PAPPA2: variants seen among roughly 807,000 people sequenced by gnomAD.
PAPPA2 encodes the protein pappalysin 2, also known as pappalysin-2.
In PAPPA2, 86 loss-of-function variants were observed where a neutral mutation model predicts 176.4. The ratio of observed to expected loss-of-function variants is 0.49; its 90% CI spans 0.41 to 0.58. The LOEUF is 0.58. PAPPA2 is among the 20% of genes least tolerant of loss of function. The pLI is 0.00. For synonymous variants in PAPPA2, 809 were observed against 852.2 expected (o/e 0.95, Z 0.88); for missense variants, 2,073 against 2,256.9 (o/e 0.92, Z 1.65).
At chr1:176,679,959 T>C (rs1300019791) in intron 4 of PAPPA2, among the ~76,000 whole-genome samples, 1 of 152,214 alleles carries the variant, frequency 6.6e-6, no homozygotes, top group African/African-American at 2.4e-5. Context: ...TAGATTTGTG[T>C]GGATTTTCTC....
At chr1:176,527,594 A>G (rs1162689108) in intron 1 of PAPPA2, among the ~76,000 whole-genome samples, 4 of 152,176 alleles carry the variant, frequency 2.6e-5, no homozygotes, top group African/African-American at 9.7e-5. Context: ...AATATCTCAG[A>G]AGAATAAAAG....
At chr1:176,632,024 GTGT>G (rs1250779368) in intron 3 of PAPPA2, among the ~76,000 whole-genome samples, 1 of 152,236 alleles carries the variant, frequency 6.6e-6, no homozygotes, top group Admixed American at 6.5e-5. Context: ...GTTAAGGGAA[GTGT>G]TGTCATGTAG....
chr1:176,481,299 C>CACAG (rs1228115162), intron 1 of PAPPA2, among the ~76,000 whole-genome samples: 23 of 146,884 alleles, frequency 1.6e-4, no homozygotes, highest in African/African-American at 5.8e-4. Context: ...CACACACACA[C>CACAG]AGACAAAGCA....
intron 2 of PAPPA2, among the ~76,000 whole-genome samples, chr1:176,565,821 G>A (rs1651941612): frequency 6.6e-6 from 1 of 152,144 alleles, no homozygotes; most frequent in Admixed American, 6.5e-5. Flanking sequence ...AGACATCTGG[G>A]CTCTGATGCT....
At chr1:176,776,767 G>A (rs549410154) in intron 17 of PAPPA2, among the ~76,000 whole-genome samples, 19 of 151,794 alleles carry the variant, frequency 1.3e-4, no homozygotes, top group African/African-American at 4.3e-4. Flanking sequence ...TAAGTATTTT[G>A]TACACAATAC....
At position 176,791,473 on chromosome 1, in the gene PAPPA2, T is replaced by C; in HGVS notation, c.5011T>C (p.Tyr1671His). 6.2e-7 allele frequency: 1 copy of C among 1,613,676 alleles called. No individual in the cohort carries two copies. The highest frequency in any genetic ancestry group is 1.1e-5 in the South Asian group (1 of 91,056). Residue 1671 changes from tyrosine (Y) to histidine (H), a missense_variant, in exon 19 of 23, where the codon TAT becomes CAT. Tyr to His is a moderately conservative substitution (Grantham distance 83, BLOSUM62 2). This residue lies in a region of PAPPA2 where 846 missense variants were observed against 857.9 expected (regional missense o/e 0.99). Transcript: ENST00000367662. The part of the protein sequence containing the change: ...NSVEYKCEQG[Y>H]GIGAVCSPLC... ...TGTGGAGTACAAATGTGAACAAGGA[T>C]ATGGGATTGGTAAGGATAGGAGTGA... is the stretch of plus-strand genomic sequence containing the variant.
At chr1:176,739,956 T>C (rs1316142940) in intron 13 of PAPPA2, 24 bp from the exon 14 acceptor site, 1 of 1,609,148 alleles carries the variant, frequency 6.2e-7, no homozygotes, top group Non-Finnish European at 8.5e-7. Context: ...GCTGAAAATA[T>C]GATTCATCTC....
rs1660886020 is a variant in PAPPA2, at chr1:176,706,449, AG to A, written c.3457+1del. On this transcript the variant is annotated frameshift_variant and splice_region_variant, in exon 10 of 23. Coordinates refer to ENST00000367662, the MANE Select transcript of PAPPA2 (RefSeq NM_020318.3). LOFTEE classifies it high-confidence loss of function. ...AGCTGGAGGAAGGTTTCAACTGTGTAGGTAAGTTCAAGAGTTTCAGTCTAAG... is the reference window on the plus strand; with the variant it reads ...AGCTGGAGGAAGGTTTCAACTGTGTAGTAAGTTCAAGAGTTTCAGTCTAAG... The part of the protein sequence containing the change: ...CELEEGFNCV[G>X]EPSLCYMYEG... The A allele has an allele frequency of 6.2e-7, 1 of 1,612,974 alleles. No individual in the cohort carries two copies. The highest frequency in any genetic ancestry group is 8.5e-7 in the Non-Finnish European group (1 of 1,179,298).
Position 176,829,770 on chromosome 1 carries a change from A to G in PAPPA2, c.5203-10403A>G, listed in dbSNP as rs76865004. 6.8e-3 allele frequency among the ~76,000 whole-genome samples: 1,038 copies of G among 152,272 alleles called. 15 individuals are homozygous for G. The highest frequency in any genetic ancestry group is 0.023 in the African/African-American group (966 of 41,546). On this transcript the variant is annotated intron_variant, in intron 21 of 22. Transcript: ENST00000367662. Reference sequence around the variant, plus strand: ...AGAGCATGTACCGCCTCATGTTTCAATTATGTGGGATGTGGCCTTGTGCAG... The same window carrying G: ...AGAGCATGTACCGCCTCATGTTTCAGTTATGTGGGATGTGGCCTTGTGCAG...
At chr1:176,611,968 C>A (rs1304733127) in intron 3 of PAPPA2, among the ~76,000 whole-genome samples, 1 of 152,094 alleles carries the variant, frequency 6.6e-6, no homozygotes, top group Non-Finnish European at 1.5e-5. Context: ...AAATAAGTAT[C>A]CATTCATCTG....
intron 2 of PAPPA2, 36 bp downstream of exon 2, chr1:176,557,277 G>C (rs966563510): frequency 2.6e-6 from 4 of 1,522,494 alleles, no homozygotes; most frequent in Non-Finnish European, 3.5e-6. Context: ...GAAATCCTGA[G>C]GGTATGGCTG....
chr1:176,541,944 C>T (rs905405441), intron 1 of PAPPA2, among the ~76,000 whole-genome samples: 3 of 152,182 alleles, frequency 2.0e-5, no homozygotes, highest in African/African-American at 7.2e-5. Context: ...ACTTTGTTAG[C>T]ACTTAATTCA....
intron 21 of PAPPA2, among the ~76,000 whole-genome samples, chr1:176,833,376 T>C (rs1332414295): frequency 6.6e-6 from 1 of 152,168 alleles, no homozygotes; most frequent in African/African-American, 2.4e-5. Flanking sequence ...CTCATAAACA[T>C]TGTCTTTTTA....
At chr1:176,809,121 A>C (rs1171361941) in intron 21 of PAPPA2, among the ~76,000 whole-genome samples, 1 of 152,174 alleles carries the variant, frequency 6.6e-6, no homozygotes, top group Non-Finnish European at 1.5e-5. Flanking sequence ...ATGGTTACAC[A>C]TTTGCTTCTA....
rs1661068434 is a variant in PAPPA2 at position 176,709,993 on chromosome 1, C to G, written c.3468C>G (p.Ser1156Arg). Residue 1156 changes from serine to arginine, a missense_variant, in exon 11 of 23, where the codon AGC (serine) becomes AGG (arginine). Physicochemically the swap from Ser to Arg is moderately radical, Grantham distance 110. This residue lies in a region of PAPPA2 where 846 missense variants were observed against 857.9 expected (regional missense o/e 0.99). Coordinates refer to ENST00000367662, the MANE Select transcript of PAPPA2 (RefSeq NM_020318.3). ...EEGFNCVGEP[S>R]LCYMYEGDGI... ...AATATTTCTTGGCAGGAGAGCCAAG[C>G]CTTTGCTACATGTATGAGGGAGATG... 3.1e-6 allele frequency: 5 copies of G among 1,603,352 alleles called. No homozygotes were observed. The highest frequency in any genetic ancestry group is 3.4e-6 in the Non-Finnish European group (4 of 1,175,670).
chr1:176,583,313 G>GTTCTCA (rs2102631878), intron 2 of PAPPA2, among the ~76,000 whole-genome samples: 1 of 151,672 alleles, frequency 6.6e-6, no homozygotes, highest in East Asian at 1.9e-4. Flanking sequence ...GCATTGTTAC[G>GTTCTCA]TTGTTGTTTT....
intron 1 of PAPPA2, among the ~76,000 whole-genome samples, chr1:176,489,285 G>A (rs1652791141): frequency 6.6e-6 from 1 of 152,170 alleles, no homozygotes; most frequent in African/African-American, 2.4e-5. Flanking sequence ...CCAGCCATGA[G>A]TTGGAATTGA....
At chr1:176,564,155 G>A (rs1651826338) in intron 2 of PAPPA2, among the ~76,000 whole-genome samples, 1 of 152,122 alleles carries the variant, frequency 6.6e-6, no homozygotes, top group African/African-American at 2.4e-5. Flanking sequence ...ATGCAGATTT[G>A]GGTTCAATAG....
intron 1 of PAPPA2, among the ~76,000 whole-genome samples, chr1:176,521,843 A>T (rs1226388726): frequency 2.0e-5 from 3 of 152,170 alleles, no homozygotes; most frequent in African/African-American, 7.2e-5. Context: ...GGGGACTTTG[A>T]TGAGACTGAA....
Sources: allele counts gnomAD v4.1 joint callset (sites outside exome capture counted in the v4.1 genomes callset), GRCh38; gene constraint gnomAD v4.1.1; regional missense constraint gnomAD v4.1.1; transcripts MANE v1.5; gene names NCBI Gene and HGNC (gene_info 2026-07-23, HGNC 2026-07-21).